RPP40: variants seen among roughly 807,000 people sequenced by gnomAD.
The protein encoded by RPP40 is ribonuclease P/MRP subunit p40.
In RPP40, 30 loss-of-function variants were observed where a neutral mutation model predicts 42.5. The observed-to-expected ratio is 0.71, with a 90% CI of 0.53 to 0.96. The LOEUF is 0.96. Among genes scored for constraint, RPP40 ranks in the 40% least tolerant of loss-of-function variants. The pLI, the probability that RPP40 is intolerant of heterozygous loss-of-function variation, is 0.00. For synonymous variants in RPP40, 173 were observed against 164.0 expected (o/e 1.05, Z -0.42); for missense variants, 426 against 433.5 (o/e 0.98, Z 0.15).
chr6:4,991,663 A>G (rs999560026), downstream of RPP40, among the ~76,000 whole-genome samples: 1 of 152,000 alleles, frequency 6.6e-6, no homozygotes, highest in African/African-American at 2.4e-5. Flanking sequence ...TTGAAGTTCT[A>G]GTTGTTCTTG....
chr6:5,003,834 G>C, intron 1 of RPP40, 46 bp downstream of exon 1: 1 of 1,581,412 alleles, frequency 6.3e-7, no homozygotes, highest in South Asian at 1.1e-5. Context: ...TCTCTCGCAC[G>C]CGGGGACTGA....
downstream of RPP40, among the ~76,000 whole-genome samples, chr6:4,993,881 C>CT (rs1433017640): frequency 6.6e-6 from 1 of 152,050 alleles, no homozygotes; most frequent in East Asian, 1.9e-4. Context: ...TGGAGTCTCA[C>CT]TTTATGAGGT....
intron 5 of RPP40, among the ~76,000 whole-genome samples, chr6:4,997,266 G>A (rs765212578): frequency 8.5e-5 from 13 of 152,318 alleles, no homozygotes. Flanking sequence ...CAGGTGAGTG[G>A]GTAAACTGAG....
rs776679398 is a variant in RPP40, at chr6:5,003,986, C to T, written c.17G>A (p.Arg6Gln). 9 of 1,610,568 alleles carry T rather than the reference C, an allele frequency of 5.6e-6. No individual in the cohort carries two copies. Among genetic ancestry groups the T allele is most frequent in the Non-Finnish European group, 7.6e-6 (9 of 1,178,866 alleles). The change falls in exon 1 of 8, where the codon CGG becomes CAG. Residue 6 changes from arginine (R) to glutamine (Q), a missense_variant. Coordinates refer to ENST00000380051, the MANE Select transcript of RPP40 (RefSeq NM_006638.4). MATLRRLREAPRHLLV... is the reference protein window; with the variant it reads MATLRQLREAPRHLLV... Reference sequence around the variant, plus strand: ...TAAGTGCCGCGGCGCCTCCCGAAGCCGGCGCAGCGTGGCCATGCTCTCCTG... The same window carrying T: ...TAAGTGCCGCGGCGCCTCCCGAAGCTGGCGCAGCGTGGCCATGCTCTCCTG...
chr6:4,990,734 A>G (rs555694906), downstream of RPP40, among the ~76,000 whole-genome samples: 5 of 150,942 alleles, frequency 3.3e-5, no homozygotes, highest in Non-Finnish European at 4.4e-5. Context: ...TCCCACCTCA[A>G]CTTCCCAACA....
chr6:5,000,508 T>TTC, intron 3 of RPP40, 55 bp downstream of exon 3: 1 of 1,033,590 alleles, frequency 9.7e-7, no homozygotes, highest in Non-Finnish European at 1.5e-6. Context: ...TTTTTTTTTT[T>TTC]ACAGTATGCA....
At chr6:4,995,626 T>G (rs1256855090) in intron 7 of RPP40, among the ~76,000 whole-genome samples, 2 of 152,232 alleles carry the variant, frequency 1.3e-5, no homozygotes, top group African/African-American at 2.4e-5. Context: ...ACTGAAACGT[T>G]GCAGGATAAT....
At chr6:5,003,645 C>T (rs1759654583) in intron 1 of RPP40, 2 of 472,062 alleles carry the variant, frequency 4.2e-6, no homozygotes, top group East Asian at 3.5e-5. Flanking sequence ...ACAGCTCCCT[C>T]CAGACTGGGT....
In RPP40 at chr6:4,998,851, T is replaced by A. The variant is rs1343311509; in HGVS notation, c.434-10A>T. 2.2e-6 allele frequency: 3 copies of A among 1,381,248 alleles called. No individual in the cohort carries two copies. The highest frequency in any genetic ancestry group is 9.9e-7 in the Non-Finnish European group (1 of 1,013,322). 85.6% of individuals were successfully genotyped at this position (1,381,248 alleles called of 1,614,324 possible). A position where few individuals can be genotyped will look rare whatever the true frequency, so the allele number is the denominator to read the frequency against. On this transcript the variant is annotated splice_polypyrimidine_tract_variant and intron_variant, in intron 4 of 7. Transcript: ENST00000380051. ...AAATCAATGGAAACAACTTTAAAAA[T>A]GAAAAAAAGAACATATATTTCATTC...
At chr6:5,003,142 A>T (rs1364632123) in intron 1 of RPP40, among the ~76,000 whole-genome samples, 3 of 151,894 alleles carry the variant, frequency 2.0e-5, no homozygotes, top group Admixed American at 1.3e-4. Context: ...AGGTCAGGAG[A>T]TCGAGACCAT....
chr6:4,996,274 G>T lies in RPP40; in HGVS notation c.706C>A (p.Arg236=). 6.2e-7 allele frequency: 1 copy of T among 1,614,062 alleles called. No homozygotes were observed. The highest frequency in any genetic ancestry group is 1.1e-5 in the South Asian group (1 of 91,078). The change falls in exon 6 of 8, where the codon CGG becomes AGG. Residue 236 remains arginine (R), a synonymous_variant. Coordinates refer to ENST00000380051, the MANE Select transcript of RPP40 (RefSeq NM_006638.4). ...ELEGTPEVSC[R]ALELFDWLGA... Reference sequence around the variant, plus strand: ...AGCCAGTCGAAGAGCTCCAGAGCCCGGCAGGACACCTCTGGCGTTCCCTCC... The same window carrying T: ...AGCCAGTCGAAGAGCTCCAGAGCCCTGCAGGACACCTCTGGCGTTCCCTCC...
At position 4,997,901 on chromosome 6, in the gene RPP40, A is replaced by C. The variant is rs117748730; in HGVS notation, c.559+815T>G. 1.2e-4 allele frequency among the ~76,000 whole-genome samples: 18 copies of C among 152,378 alleles called. No homozygotes were observed. The East Asian group carries it at 2.7e-3, about 23-fold the overall frequency. On this transcript the variant is annotated intron_variant, in intron 5 of 7. Coordinates refer to ENST00000380051, the MANE Select transcript of RPP40 (RefSeq NM_006638.4). ...TTAGGAGCTTTAGGAATAGGGAGCT[A>C]TCCAGAATCCAACGTCTGGATGATC...
chr6:5,000,559 T>C lies in RPP40; in HGVS notation c.337+4A>G. Reference sequence around the variant, plus strand: ...TAAAGAAAGATGAAAAAATAAAGTGTTACCATTTGGTAGCAGGGCAACAGT... The same window carrying C: ...TAAAGAAAGATGAAAAAATAAAGTGCTACCATTTGGTAGCAGGGCAACAGT... On this transcript the variant is annotated splice_donor_region_variant and intron_variant, in intron 3 of 7. Coordinates refer to ENST00000380051, the MANE Select transcript of RPP40 (RefSeq NM_006638.4). 1 of 1,454,092 alleles carries C rather than the reference T, an allele frequency of 6.9e-7. No individual in the cohort carries two copies. The highest frequency in any genetic ancestry group is 1.4e-5 in the African/African-American group (1 of 70,598). 90.1% of individuals were successfully genotyped at this position (1,454,092 alleles called of 1,614,324 possible).
chr6:4,997,645 T>TCATCCATCCATCCATC (rs72424582), intron 5 of RPP40, among the ~76,000 whole-genome samples: 1 of 151,890 alleles, frequency 6.6e-6, no homozygotes, highest in Non-Finnish European at 1.5e-5. Flanking sequence ...AAATCTCCTC[T>TCATCCATCCATCCATC]CATCCATCCA....
intron 2 of RPP40, among the ~76,000 whole-genome samples, 162 bp from the exon 3 acceptor site, chr6:5,000,793 C>G (rs1224448511): frequency 1.3e-5 from 2 of 152,004 alleles, no homozygotes; most frequent in African/African-American, 2.4e-5. Flanking sequence ...TAAGGGTAAG[C>G]TGCAGCATGC....
In RPP40 at chr6:4,999,797, C is replaced by T. The variant is rs62385119; in HGVS notation, c.433+12G>A. On this transcript the variant is annotated intron_variant, in intron 4 of 7. Coordinates refer to ENST00000380051, the MANE Select transcript of RPP40 (RefSeq NM_006638.4). The stretch of plus-strand genomic sequence containing the variant: ...GAAGATTAGAAACAGATGGAACACA[C>T]ATGATACTTACTAAATTTCATAATT... The T allele has an allele frequency of 0.029, 40,328 of 1,414,470 alleles. 724 individuals are homozygous for T. Among genetic ancestry groups the T allele is most frequent in the South Asian group, 0.048 (4,117 of 86,376 alleles). The allele number at this position is 1,414,470 out of a possible 1,614,324, so 87.6% of individuals were successfully genotyped here.
rs1363331140 is a variant in RPP40, at chr6:4,999,791, A to G, written c.433+18T>C. ...CCACAAGAAGATTAGAAACAGATGG[A>G]ACACACATGATACTTACTAAATTTC... On this transcript the variant is annotated intron_variant, in intron 4 of 7. Transcript: ENST00000380051. 2 of 1,313,378 alleles carry G rather than the reference A, an allele frequency of 1.5e-6. No homozygotes were observed. The highest frequency in any genetic ancestry group is 2.2e-6 in the Non-Finnish European group (2 of 910,028). 81.4% of individuals were successfully genotyped at this position (1,313,378 alleles called of 1,614,324 possible).
At chr6:4,990,650 A>AT (rs34478088), downstream of RPP40, among the ~76,000 whole-genome samples, 15,411 of 131,470 alleles carry the variant, frequency 0.12, 1,049 homozygotes, top group Middle Eastern at 0.17. Context: ...TGCCTGGCTA[A>AT]TTTTTTTTTT....
chr6:4,995,885 C>G, intron 7 of RPP40, 66 bp downstream of exon 7: 1 of 1,493,846 alleles, frequency 6.7e-7, no homozygotes, highest in East Asian at 2.3e-5. Flanking sequence ...ATGAAAAAAT[C>G]TATACTATTC....
Sources: gnomAD v4.1 joint callset for allele counts (sites outside exome capture counted in the v4.1 genomes callset) on GRCh38, gnomAD v4.1.1 for gene constraint, MANE v1.5 for transcripts, NCBI Gene and HGNC (gene_info 2026-07-23, HGNC 2026-07-21) for gene names.